PDRG1: variants seen among roughly 807,000 people sequenced by gnomAD.
PDRG1 encodes the protein p53 and DNA damage-regulated protein 1.
Under a neutral mutation model 18.4 loss-of-function variants are expected in PDRG1, and 14 were observed. That is an observed-to-expected ratio of 0.76 (90% confidence interval 0.50 to 1.19). The LOEUF (loss-of-function observed/expected upper bound fraction) is 1.19. Among genes scored for constraint, PDRG1 ranks in the 50% most tolerant of loss-of-function variants. The pLI is 0.00. For synonymous variants in PDRG1, 65 were observed against 60.9 expected (o/e 1.07, Z -0.31); for missense variants, 177 against 160.1 (o/e 1.11, Z -0.57).
At chr20:31,946,143 T>C (rs1460509279) in intron 4 of PDRG1, among the ~76,000 whole-genome samples, 1 of 152,090 alleles carries the variant, frequency 6.6e-6, no homozygotes, top group Non-Finnish European at 1.5e-5. Context: ...CTAGAGTGCT[T>C]GCATTTATCA....
In PDRG1 at chr20:31,950,211, C is replaced by T. The variant is rs1484261330; in HGVS notation, c.163+101G>A. 64 of 947,436 alleles carry T rather than the reference C, an allele frequency of 6.8e-5. 1 individual carries two copies. Among genetic ancestry groups the T allele is most frequent in the South Asian group, 6.6e-4 (45 of 67,766 alleles). 58.7% of individuals were successfully genotyped at this position (947,436 alleles called of 1,614,324 possible). ...CAATTTCCCACAAGGCTGAGTTATA[C>T]AGCTGTGACCTCCTGCCTGATCTCT... On this transcript the variant is annotated intron_variant, in intron 2 of 4. Transcript: ENST00000202017.
intron 4 of PDRG1, 152 bp from the exon 5 acceptor site, chr20:31,946,041 G>A (rs2064314705): frequency 1.6e-6 from 1 of 626,010 alleles, no homozygotes; most frequent in South Asian, 1.9e-5. Context: ...ACCAGATGAG[G>A]CATCACCACT....
At chr20:31,947,655 G>A (rs1480794466) in intron 3 of PDRG1, among the ~76,000 whole-genome samples, 1 of 152,222 alleles carries the variant, frequency 6.6e-6, no homozygotes, top group African/African-American at 2.4e-5. Flanking sequence ...TTTGGTGGGA[G>A]GCCAAGGTGG....
At chr20:31,946,944 T>C (rs540554537) in intron 3 of PDRG1, among the ~76,000 whole-genome samples, 9 of 152,312 alleles carry the variant, frequency 5.9e-5, no homozygotes, top group African/African-American at 1.4e-4. Context: ...CAGCCCACCC[T>C]AGATGGCTGG....
intron 3 of PDRG1, among the ~76,000 whole-genome samples, chr20:31,947,930 C>T (rs1403780212): frequency 6.6e-6 from 1 of 152,100 alleles, no homozygotes; most frequent in African/African-American, 2.4e-5. Context: ...GGTATGAAGA[C>T]ATCCTGTCTT....
intron 2 of PDRG1, among the ~76,000 whole-genome samples, 169 bp from the exon 3 acceptor site, chr20:31,949,051 T>TA (rs1374683799): frequency 2.0e-5 from 3 of 152,116 alleles, no homozygotes; most frequent in Non-Finnish European, 2.9e-5. Flanking sequence ...TGTCAGACCT[T>TA]AAGAGTTGTA....
chr20:31,948,276 G>C (rs778895608), intron 3 of PDRG1, among the ~76,000 whole-genome samples: 1 of 152,230 alleles, frequency 6.6e-6, no homozygotes, highest in Non-Finnish European at 1.5e-5. Flanking sequence ...ATGTTGGCAG[G>C]AAGTCCCTGA....
intron 1 of PDRG1, 109 bp downstream of exon 1, chr20:31,951,766 C>A: frequency 2.5e-6 from 3 of 1,193,988 alleles, no homozygotes; most frequent in Non-Finnish European, 3.4e-6. Flanking sequence ...CGGCCCAGGT[C>A]TGTCGCCTCG....
intron 2 of PDRG1, 44 bp from the exon 3 acceptor site, chr20:31,948,926 T>A (rs746448269): frequency 6.4e-7 from 1 of 1,567,922 alleles, no homozygotes; most frequent in South Asian, 1.1e-5. Flanking sequence ...TTTTTTTGAG[T>A]ACCTATTATC....
chr20:31,950,183 T>C (rs1165214414), intron 2 of PDRG1, 129 bp downstream of exon 2: 4 of 774,362 alleles, frequency 5.2e-6, no homozygotes, highest in Middle Eastern at 2.6e-4. Context: ...CCCCGGACTG[T>C]TTCAATTTCC....
Position 31,946,238 on chromosome 20 carries a change from G to C in PDRG1, c.319+258C>G, listed in dbSNP as rs114073596. ...CTATCTGATCCCCATGCCATGCCCC[G>C]ATGTATAACGTGAGATCACCCCAAG... On this transcript the variant is annotated intron_variant, in intron 4 of 4. Transcript: ENST00000202017. 5.4e-3 allele frequency among the ~76,000 whole-genome samples: 824 copies of C among 152,252 alleles called. 11 individuals carry two copies. Among genetic ancestry groups the C allele is most frequent in the African/African-American group, 0.019 (791 of 41,528 alleles).
chr20:31,947,109 C>A (rs1292457677), intron 3 of PDRG1, among the ~76,000 whole-genome samples: 2 of 152,210 alleles, frequency 1.3e-5, no homozygotes, highest in African/African-American at 4.8e-5. Flanking sequence ...AAAGGGTCTT[C>A]TAGTGTCATG....
At chr20:31,949,627 G>C (rs892420876) in intron 2 of PDRG1, among the ~76,000 whole-genome samples, 1 of 151,648 alleles carries the variant, frequency 6.6e-6, no homozygotes, top group African/African-American at 2.4e-5. Context: ...AGTGTAGGTG[G>C]AGTCATGTTG....
intron 4 of PDRG1, among the ~76,000 whole-genome samples, chr20:31,946,289 CTA>C (rs2064317995): frequency 6.6e-6 from 1 of 152,144 alleles, no homozygotes; most frequent in African/African-American, 2.4e-5. Flanking sequence ...GGAAAAGAAA[CTA>C]TGACAGGACT....
chr20:31,948,693 C>G (rs777141640), intron 3 of PDRG1, 115 bp downstream of exon 3: 11 of 941,842 alleles, frequency 1.2e-5, no homozygotes, highest in Non-Finnish European at 1.5e-5. Context: ...AGTCTGAACC[C>G]TGTGACAGAA....
At position 31,950,351 on chromosome 20, in the gene PDRG1, C is replaced by T. The variant is rs1394114604; in HGVS notation, c.124G>A (p.Glu42Lys). The change falls in exon 2 of 5, where the codon GAG (glutamate) becomes AAG (lysine). Residue 42 changes from glutamate (E) to lysine (K), a missense_variant. Physicochemically the swap from Glu to Lys is moderately conservative, Grantham distance 56 (BLOSUM62 1). Coordinates refer to ENST00000202017, the MANE Select transcript of PDRG1 (RefSeq NM_030815.3). The stretch of plus-strand genomic sequence containing the variant: ...TCCTTCTGCAGGGCCCTCAGGCCCT[C>T]TCGATTCTGATTCCTTTTAGTGTCC... Reference protein sequence around the residue: ...DLDTKRNQNREGLRALQKDLS... With the variant: ...DLDTKRNQNRKGLRALQKDLS... 1 of 1,613,346 alleles carries T rather than the reference C, an allele frequency of 6.2e-7. No homozygotes were observed. The highest frequency in any genetic ancestry group is 8.5e-7 in the Non-Finnish European group (1 of 1,179,220).
chr20:31,951,745 C>T, intron 1 of PDRG1, 130 bp downstream of exon 1: 1 of 957,896 alleles, frequency 1.0e-6, no homozygotes, highest in Non-Finnish European at 1.5e-6. Context: ...TAGTAGCGGC[C>T]GAATATTTAT....
At chr20:31,948,455 C>A (rs1223772086) in intron 3 of PDRG1, among the ~76,000 whole-genome samples, 1 of 152,246 alleles carries the variant, frequency 6.6e-6, no homozygotes, top group Non-Finnish European at 1.5e-5. Context: ...GGAGTACACA[C>A]CTCTGGACAA....
At chr20:31,948,691 C>T in intron 3 of PDRG1, 117 bp downstream of exon 3, 2 of 921,394 alleles carry the variant, frequency 2.2e-6, no homozygotes, top group South Asian at 1.6e-5. Flanking sequence ...GCAGTCTGAA[C>T]CCTGTGACAG....
Sources: allele counts gnomAD v4.1 joint callset (sites outside exome capture counted in the v4.1 genomes callset), GRCh38; gene constraint gnomAD v4.1.1; transcripts MANE v1.5; gene names NCBI Gene and HGNC (gene_info 2026-07-23, HGNC 2026-07-21).